The following EFCAB6 variants were observed in gnomAD, a reference collection of about 807,000 sequenced individuals.
EFCAB6 encodes EF-hand calcium-binding domain-containing protein 6.
Under a neutral mutation model 169.8 loss-of-function variants are expected in EFCAB6, and 156 were observed. That is an observed-to-expected ratio of 0.92 (90% CI 0.81 to 1.05). The LOEUF (loss-of-function observed/expected upper bound fraction) is 1.05, where lower values mean the gene tolerates loss of function less well. Among genes scored for constraint, EFCAB6 ranks in the 50% least tolerant of loss-of-function variants. The pLI, the probability that EFCAB6 is intolerant of heterozygous loss-of-function variation, is 0.00. For missense variants in EFCAB6, 1,800 were observed against 1,829.1 expected, an observed-to-expected ratio of 0.98 and a Z score of 0.29; for synonymous variants, 698 against 676.4, an observed-to-expected ratio of 1.03 and a Z score of -0.50.
In EFCAB6 at chr22:43,667,211, C is replaced by G. The variant is rs2057303442; in HGVS notation, c.1876G>C (p.Glu626Gln). Residue 626 changes from glutamate (E) to glutamine (Q), a missense_variant, in exon 17 of 32, where the codon GAA becomes CAA. Coordinates refer to ENST00000262726, the MANE Select transcript of EFCAB6 (RefSeq NM_022785.4). ...TGCTGTATACACTTTTTGAATTTTT[C>G]AATCACTTCTTCTGTGGTCATCTTC... Reference protein sequence around the residue: ...TKKMTTEEVIEKFKKCIQQQD... With the variant: ...TKKMTTEEVIQKFKKCIQQQD... The G allele has an allele frequency of 6.2e-7, 1 of 1,613,934 alleles. No individual in the cohort carries two copies. The highest frequency in any genetic ancestry group is 8.5e-7 in the Non-Finnish European group (1 of 1,179,990).
intron 5 of EFCAB6, 94 bp downstream of exon 5, chr22:43,765,211 G>C: frequency 1.2e-6 from 1 of 862,992 alleles, no homozygotes; most frequent in Non-Finnish European, 1.9e-6. Context: ...TCCATATATA[G>C]CTGTTGATAT....
chr22:43,698,107 G>T (rs1297578440), intron 10 of EFCAB6, among the ~76,000 whole-genome samples: 1 of 152,118 alleles, frequency 6.6e-6, no homozygotes, highest in Non-Finnish European at 1.5e-5. Context: ...GCTTGTTCAT[G>T]GGCTTTCAGG....
At position 43,628,002 on chromosome 22, in the gene EFCAB6, C is replaced by T. The variant is rs2054643625; in HGVS notation, c.2233-1323G>A. ...GTGTGGCAGGGAGGCTGATGTCTAA[C>T]TCTGCCCGAGGGGGCCTCCTGGGGT... is the stretch of plus-strand genomic sequence containing the variant. On this transcript the variant is annotated intron_variant, in intron 19 of 31. Coordinates refer to ENST00000262726, the MANE Select transcript of EFCAB6 (RefSeq NM_022785.4). This position sits in a 1 kb window ranked among gnomAD's most constrained non-coding sequence, Gnocchi z 4.8. Among the ~76,000 whole-genome samples the T allele has an allele frequency of 6.6e-6, 1 of 152,172 alleles. No individual in the cohort carries two copies. Among genetic ancestry groups the T allele is most frequent in the Non-Finnish European group, 1.5e-5 (1 of 68,016 alleles).
At chr22:43,576,185 A>T in intron 26 of EFCAB6, 112 bp downstream of exon 26, 1 of 837,924 alleles carries the variant, frequency 1.2e-6, no homozygotes, top group Non-Finnish European at 1.7e-6. Context: ...TGAGCTAATT[A>T]CATGAGGTGA....
At chr22:43,586,340 ATT>A (rs36058832) in intron 24 of EFCAB6, among the ~76,000 whole-genome samples, 77 of 72,910 alleles carry the variant, frequency 1.1e-3, no homozygotes, top group African/African-American at 4.6e-3. Context: ...GCAACAACTG[ATT>A]TTTTTTTTTT....
intron 6 of EFCAB6, among the ~76,000 whole-genome samples, chr22:43,747,934 C>G (rs1387050741): frequency 6.6e-6 from 1 of 152,206 alleles, no homozygotes; most frequent in East Asian, 1.9e-4. Flanking sequence ...GGTGATATAC[C>G]GCCCAATAAA....
intron 10 of EFCAB6, among the ~76,000 whole-genome samples, chr22:43,695,829 G>A (rs1161065306): frequency 6.6e-6 from 1 of 152,100 alleles, no homozygotes; most frequent in East Asian, 1.9e-4. Flanking sequence ...AACTAGAAAT[G>A]AATCCAAATG....
intron 17 of EFCAB6, among the ~76,000 whole-genome samples, chr22:43,650,814 C>T (rs532794327): frequency 6.6e-6 from 1 of 152,256 alleles, no homozygotes; most frequent in East Asian, 1.9e-4. Context: ...TGACTTGTTA[C>T]ATTTTAGCAA....
intron 2 of EFCAB6, among the ~76,000 whole-genome samples, chr22:43,808,535 G>C (rs1036302513): frequency 1.5e-4 from 23 of 151,468 alleles, no homozygotes; most frequent in Admixed American, 1.4e-3. Context: ...GGTGTAGATG[G>C]ATCACAGGTG....
chr22:43,641,442 C>T (rs1446466334), intron 17 of EFCAB6, among the ~76,000 whole-genome samples: 1 of 151,944 alleles, frequency 6.6e-6, no homozygotes. Context: ...ATGGTGAAAC[C>T]CTGTCTCTAC....
At chr22:43,686,665 G>A (rs1301987183) in intron 11 of EFCAB6, among the ~76,000 whole-genome samples, 1 of 152,092 alleles carries the variant, frequency 6.6e-6, no homozygotes, top group Non-Finnish European at 1.5e-5. Context: ...GTTAACAGGC[G>A]CAGTTCATTA....
intron 2 of EFCAB6, among the ~76,000 whole-genome samples, chr22:43,782,740 C>T (rs1569486114): frequency 6.6e-6 from 1 of 152,198 alleles, no homozygotes; most frequent in Admixed American, 6.5e-5. Flanking sequence ...TAAGGACCTC[C>T]GAAAATCCTC....
At chr22:43,741,025 G>T (rs537500343) in intron 6 of EFCAB6, among the ~76,000 whole-genome samples, 1 of 152,296 alleles carries the variant, frequency 6.6e-6, no homozygotes, top group African/African-American at 2.4e-5. Flanking sequence ...CTGAAGTTTG[G>T]CAAGGGCTGA....
intron 17 of EFCAB6, among the ~76,000 whole-genome samples, chr22:43,653,695 T>C (rs1485864213): frequency 6.6e-6 from 1 of 152,192 alleles, no homozygotes; most frequent in African/African-American, 2.4e-5. Flanking sequence ...CTGGTAGGGA[T>C]ACCTAAGTGG....
chr22:43,777,059 C>A (rs1362878702), intron 3 of EFCAB6, among the ~76,000 whole-genome samples: 1 of 152,110 alleles, frequency 6.6e-6, no homozygotes, highest in Non-Finnish European at 1.5e-5. Flanking sequence ...CATGATCTAT[C>A]GGATCTGTAG....
At chr22:43,578,731 C>A (rs1313849769) in intron 25 of EFCAB6, among the ~76,000 whole-genome samples, 1 of 151,988 alleles carries the variant, frequency 6.6e-6, no homozygotes, top group Non-Finnish European at 1.5e-5. Flanking sequence ...TACACACAGG[C>A]ATCATTCCCT....
At chr22:43,686,184 T>C (rs1022885556) in intron 11 of EFCAB6, among the ~76,000 whole-genome samples, 10 of 152,206 alleles carry the variant, frequency 6.6e-5, no homozygotes, top group Non-Finnish European at 1.0e-4. Context: ...TTCTCCATGT[T>C]GGTCAGGCTG....
At chr22:43,716,755 T>C in intron 9 of EFCAB6, 93 bp downstream of exon 9, 1 of 1,445,866 alleles carries the variant, frequency 6.9e-7, no homozygotes, top group Non-Finnish European at 9.1e-7. Flanking sequence ...CGAAACAAAT[T>C]TTAGAAATAA....
rs983253381 is a variant in EFCAB6 at position 43,537,837 on chromosome 22, G to A, written c.3880-292C>T. Among the ~76,000 whole-genome samples the A allele has an allele frequency of 6.6e-6, 1 of 152,140 alleles. No homozygotes were observed. Among genetic ancestry groups the A allele is most frequent in the Non-Finnish European group, 1.5e-5 (1 of 68,018 alleles). ...ATGTAAACATATTTCTGCTGTGTGT[G>A]TGTGTGTGTGAGAAGTGACAACGAC... On this transcript the variant is annotated intron_variant, in intron 28 of 31. Transcript: ENST00000262726. This position sits in a 1 kb window ranked among gnomAD's most constrained non-coding sequence, Gnocchi z 4.3.
Sources: allele counts gnomAD v4.1 joint callset (sites outside exome capture counted in the v4.1 genomes callset), GRCh38; gene constraint gnomAD v4.1.1; non-coding constraint Gnocchi (gnomAD v3.1); transcripts MANE v1.5; gene names NCBI Gene and HGNC (gene_info 2026-07-23, HGNC 2026-07-21).